The following KALRN variants were observed in gnomAD, a reference collection of about 807,000 sequenced individuals.
KALRN encodes the protein kalirin RhoGEF kinase, also known as kalirin.
Under a neutral mutation model 353.7 loss-of-function variants are expected in KALRN, and 70 were observed. The observed-to-expected ratio is 0.20, with a 90% confidence interval of 0.16 to 0.24. The LOEUF (loss-of-function observed/expected upper bound fraction) is 0.24. Among genes scored for constraint, KALRN ranks in the 10% least tolerant of loss-of-function variants. The pLI, the probability that KALRN is intolerant of heterozygous loss-of-function variation, is 1.00. For missense variants in KALRN, 2,791 were observed against 3,756.7 expected (o/e 0.74, Z 6.72); for synonymous variants, 1,391 against 1,434.8 (o/e 0.97, Z 0.69).
At chr3:124,602,055 T>G (rs1157281495) in intron 34 of KALRN, among the ~76,000 whole-genome samples, 1 of 151,860 alleles carries the variant, frequency 6.6e-6, no homozygotes, top group Non-Finnish European at 1.5e-5. Flanking sequence ...AAAGAAAAAT[T>G]TCTGTTCTGT....
chr3:124,321,632 T>C (rs1000545239), intron 6 of KALRN, among the ~76,000 whole-genome samples: 9 of 152,340 alleles, frequency 5.9e-5, no homozygotes, highest in African/African-American at 2.2e-4. Flanking sequence ...CTCCATCCTG[T>C]GATCTCCAGT....
At position 124,679,455 on chromosome 3, in the gene KALRN, A is replaced by C. The variant is rs760679670; in HGVS notation, c.7318-3A>C. The C allele has an allele frequency of 5.0e-6, 8 of 1,612,710 alleles. No homozygotes were observed. In the East Asian group the frequency reaches 1.8e-4, roughly 36 times the overall value. On this transcript the variant is annotated splice_region_variant and splice_polypyrimidine_tract_variant and intron_variant, in intron 50 of 59. Transcript: ENST00000682506. ...TTCCCCCTTCCTCATGCTGCCAATCAAGGAGACGAACAGTTCCGAGGAATC... is the reference window on the plus strand; with the variant it reads ...TTCCCCCTTCCTCATGCTGCCAATCCAGGAGACGAACAGTTCCGAGGAATC...
At chr3:124,600,329 T>C (rs1030020431) in intron 34 of KALRN, among the ~76,000 whole-genome samples, 1 of 152,280 alleles carries the variant, frequency 6.6e-6, no homozygotes, top group Non-Finnish European at 1.5e-5. Context: ...TTGTCTCTTA[T>C]TCCAAAGTCA....
rs774741290 is a variant in KALRN, at chr3:124,671,750, G to A, written c.6794G>A (p.Arg2265Lys). 4.3e-6 allele frequency: 7 copies of A among 1,614,136 alleles called. No individual in the cohort carries two copies. The South Asian group carries it at 6.6e-5, about 15-fold the overall frequency. ...GCCAGGCTTCCCCAAGCCAGCCCCA[G>A]GCCCTACTCCTCTGTTCCTGCGGGC... ...QPARLPQASPRPYSSVPAGSE... is the reference protein window; with the variant it reads ...QPARLPQASPKPYSSVPAGSE... The change falls in exon 48 of 60, where the codon AGG (arginine) becomes AAG (lysine). Residue 2265 changes from arginine (R) to lysine (K), a missense_variant. Arg to Lys is a conservative substitution (Grantham distance 26). Around this residue, in one of 11 missense-constraint regions of KALRN, gnomAD observed 1,065 missense variants for 1,156.4 expected, o/e 0.92. Coordinates refer to ENST00000682506, the MANE Select transcript of KALRN (RefSeq NM_001388419.1).
intron 1 of KALRN, among the ~76,000 whole-genome samples, chr3:124,067,086 A>G (rs1248303133): frequency 6.6e-6 from 1 of 152,202 alleles, no homozygotes; most frequent in East Asian, 1.9e-4. Flanking sequence ...AATTTAGTCT[A>G]TTTGCCTCAT....
chr3:124,603,107 C>T (rs934941324), intron 34 of KALRN, among the ~76,000 whole-genome samples: 6 of 152,182 alleles, frequency 3.9e-5, no homozygotes, highest in Non-Finnish European at 8.8e-5. Flanking sequence ...TGTAAACCCT[C>T]TGCCGCCAAA....
chr3:124,334,298 C>T lies in KALRN; in HGVS notation c.1450C>T (p.Leu484=). ...GGATGGCAAAGCACTACTTGATGTG[C>T]TGCAGCGGCCCCTGAGCCCTGGGAA... ...SQDGKALLDV[L]QRPLSPGNSE... is the part of the protein sequence containing the mutation. Residue 484 remains leucine (L), a synonymous_variant, in exon 9 of 60, where the codon CTG becomes TTG. Transcript: ENST00000682506. This position sits in a 1 kb window ranked among gnomAD's most constrained non-coding sequence, Gnocchi z 4.2. The T allele has an allele frequency of 6.2e-7, 1 of 1,614,250 alleles. No individual in the cohort carries two copies.
chr3:124,599,019 C>T (rs1027619315), intron 34 of KALRN, among the ~76,000 whole-genome samples: 1 of 152,036 alleles, frequency 6.6e-6, no homozygotes, highest in Non-Finnish European at 1.5e-5. Context: ...ACAAGATGCT[C>T]TGAGACTATC....
At chr3:124,642,340 G>A (rs1442395343) in intron 37 of KALRN, among the ~76,000 whole-genome samples, 2 of 151,792 alleles carry the variant, frequency 1.3e-5, no homozygotes, top group Non-Finnish European at 2.9e-5. Context: ...AGAAAAGAAA[G>A]CCCCTTTCTG....
At chr3:124,098,176 G>C (rs2061585209) in intron 1 of KALRN, among the ~76,000 whole-genome samples, 1 of 152,210 alleles carries the variant, frequency 6.6e-6, no homozygotes, top group Non-Finnish European at 1.5e-5. Context: ...GTGTTTCCCA[G>C]CATGTGGGAA....
rs1244485628 is a variant in KALRN, at chr3:124,455,091, C to T, written c.3553-86C>T. On this transcript the variant is annotated intron_variant, in intron 21 of 59. Transcript: ENST00000682506. Reference sequence around the variant, plus strand: ...GTAGTCAGCTATGAGGTATCTATGGCTGCTCTAAACAGGAAGAGAGGATTT... The same window carrying T: ...GTAGTCAGCTATGAGGTATCTATGGTTGCTCTAAACAGGAAGAGAGGATTT... 1.3e-5 allele frequency: 19 copies of T among 1,463,666 alleles called. No homozygotes were observed. The African/African-American group carries it at 1.5e-4, about 12-fold the overall frequency. The allele number at this position is 1,463,666 out of a possible 1,614,324, so 90.7% of individuals were successfully genotyped here. A position where few individuals can be genotyped will look rare whatever the true frequency, so the allele number is the denominator to read the frequency against.
intron 6 of KALRN, among the ~76,000 whole-genome samples, chr3:124,302,888 A>G (rs1426241639): frequency 6.6e-6 from 1 of 152,214 alleles, no homozygotes; most frequent in East Asian, 1.9e-4. Context: ...TTATGTAAAG[A>G]TACCACTCAG....
chr3:124,454,657 C>T (rs571483137), intron 21 of KALRN, among the ~76,000 whole-genome samples: 53 of 120,072 alleles, frequency 4.4e-4, no homozygotes, highest in African/African-American at 1.5e-3. Context: ...TTCAACCAAC[C>T]ATGAACTGAA....
intron 1 of KALRN, among the ~76,000 whole-genome samples, chr3:124,105,353 G>C (rs1039256920): frequency 1.3e-5 from 2 of 152,098 alleles, no homozygotes; most frequent in Non-Finnish European, 2.9e-5. Flanking sequence ...CATTAAAGTA[G>C]GTTTGTGTTT....
chr3:124,462,867 C>G (rs1038437153), intron 25 of KALRN, among the ~76,000 whole-genome samples: 9 of 152,188 alleles, frequency 5.9e-5, no homozygotes, highest in African/African-American at 1.9e-4. Context: ...CCTCAACATC[C>G]TCATTTATTC....
At chr3:124,148,725 GA>G (rs138374108) in intron 1 of KALRN, among the ~76,000 whole-genome samples, 218 of 147,510 alleles carry the variant, frequency 1.5e-3, no homozygotes, top group African/African-American at 3.9e-3. Flanking sequence ...GGTGAAAAAG[GA>G]AAAAAAAAAT....
intron 29 of KALRN, among the ~76,000 whole-genome samples, chr3:124,489,297 A>C (rs1463943134): frequency 6.6e-6 from 1 of 151,948 alleles, no homozygotes; most frequent in African/African-American, 2.4e-5. Context: ...ATAGAGCAAG[A>C]CTCCATCTCA....
chr3:124,409,819 G>C (rs74677832), intron 13 of KALRN, among the ~76,000 whole-genome samples: 3,446 of 152,216 alleles, frequency 0.023, 130 homozygotes, highest in African/African-American at 0.077. Context: ...ACTTAGGAAA[G>C]AGAATAATTT....
At chr3:124,704,360 T>C (rs1207318070) in intron 57 of KALRN, among the ~76,000 whole-genome samples, 2 of 152,166 alleles carry the variant, frequency 1.3e-5, no homozygotes, top group Non-Finnish European at 2.9e-5. Context: ...GATGGCTGAT[T>C]TGATATTTCT....
Sources: allele counts gnomAD v4.1 joint callset (sites outside exome capture counted in the v4.1 genomes callset), GRCh38; gene constraint gnomAD v4.1.1; regional missense constraint gnomAD v4.1.1; non-coding constraint Gnocchi (gnomAD v3.1); transcripts MANE v1.5; gene names NCBI Gene and HGNC (gene_info 2026-07-23, HGNC 2026-07-21).